The following VANGL2 variants were observed in gnomAD, a reference collection of about 807,000 sequenced individuals.
VANGL2 encodes VANGL planar cell polarity protein 2.
In VANGL2, 14 loss-of-function variants were observed where a neutral mutation model predicts 50.2. The ratio of observed to expected loss-of-function variants is 0.28; its 90% confidence interval spans 0.18 to 0.44. The LOEUF is 0.44. Ranked by LOEUF, VANGL2 falls within the 20% of genes least tolerant of loss-of-function variation. The pLI is 1.00. For synonymous variants in VANGL2, 295 were observed against 297.2 expected (o/e 0.99, Z 0.08); for missense variants, 533 against 701.5 (o/e 0.76, Z 2.71).
chr1:160,419,140 G>A lies in VANGL2; in HGVS notation c.331G>A (p.Ala111Thr). Residue 111 changes from alanine to threonine, a missense_variant, in exon 4 of 8, where the codon GCG (alanine) becomes ACG (threonine). Ala to Thr is a moderately conservative substitution (Grantham distance 58, BLOSUM62 0). Coordinates refer to ENST00000368061, the MANE Select transcript of VANGL2 (RefSeq NM_020335.3). The surrounding 1 kb of genome is among the most constrained non-coding windows in gnomAD (Gnocchi z 5.8). The part of the protein sequence containing the change: ...LDCSRHLGVA[A>T]GATLALLSFL... ...CTGCTCCCGTCACCTGGGTGTGGCA[G>A]CGGGGGCCACCCTGGCACTGCTGTC... The A allele has an allele frequency of 6.2e-7, 1 of 1,614,174 alleles. No homozygotes were observed. Among genetic ancestry groups the A allele is most frequent in the Non-Finnish European group, 8.5e-7 (1 of 1,180,032 alleles).
chr1:160,424,401 C>A, intron 7 of VANGL2, 118 bp downstream of exon 7: 1 of 996,480 alleles, frequency 1.0e-6, no homozygotes, highest in Non-Finnish European at 1.6e-6. Flanking sequence ...TCTCTCTCCT[C>A]ACCACCTCCT....
intron 3 of VANGL2, 139 bp downstream of exon 3, chr1:160,416,321 A>G (rs1367876197): frequency 6.9e-7 from 1 of 1,450,848 alleles, no homozygotes; most frequent in Non-Finnish European, 9.5e-7. Context: ...TTTGTGTTAC[A>G]CTTAGCTTGG....
chr1:160,423,812 T>C (rs1337840221), intron 6 of VANGL2, among the ~76,000 whole-genome samples: 1 of 152,278 alleles, frequency 6.6e-6, no homozygotes, highest in Admixed American at 6.5e-5. Context: ...AGTTCCTAGT[T>C]GTCTCTCTGG....
Position 160,420,401 on chromosome 1 carries a change from T to TC in VANGL2, c.801-5dup, listed in dbSNP as rs1312009402. 3 of 1,613,310 alleles carry TC rather than the reference T, an allele frequency of 1.9e-6. No homozygotes were observed. The highest frequency in any genetic ancestry group is 1.1e-5 in the South Asian group (1 of 91,028). On this transcript the variant is annotated splice_polypyrimidine_tract_variant and intron_variant, in intron 4 of 7. Transcript: ENST00000368061. ...CCTTCTCCCACCCCCTCCTGCCGTC[T>TC]CCCCCACAGCATCCAGCGCGTGGCA...
At chr1:160,422,150 G>A (rs1239908873) in intron 6 of VANGL2, among the ~76,000 whole-genome samples, 1 of 152,184 alleles carries the variant, frequency 6.6e-6, no homozygotes, top group Non-Finnish European at 1.5e-5. Context: ...AAGGGCAAGA[G>A]GTAGCCCTTA....
chr1:160,417,594 C>T (rs977419711), intron 3 of VANGL2, among the ~76,000 whole-genome samples: 5 of 152,260 alleles, frequency 3.3e-5, no homozygotes, highest in Non-Finnish European at 7.3e-5. Context: ...TTCACGCCTT[C>T]ACCCCTTTAC....
chr1:160,411,305 G>A (rs1163832266), intron 1 of VANGL2, among the ~76,000 whole-genome samples: 3 of 151,838 alleles, frequency 2.0e-5, no homozygotes, highest in Non-Finnish European at 2.9e-5. Context: ...GACTAGGGCA[G>A]CTCCCTGTCC....
intron 1 of VANGL2, among the ~76,000 whole-genome samples, chr1:160,402,502 G>T (rs1345581575): frequency 6.6e-6 from 1 of 152,124 alleles, no homozygotes; most frequent in African/African-American, 2.4e-5. Context: ...GAACAGCTTG[G>T]GTTCCCTGCC....
chr1:160,404,122 G>A (rs945641914), intron 1 of VANGL2, among the ~76,000 whole-genome samples: 11 of 152,166 alleles, frequency 7.2e-5, no homozygotes, highest in South Asian at 2.1e-4. Context: ...GGTCGGAGTC[G>A]GGATAGGAGA....
chr1:160,419,022 G>A lies in VANGL2; in HGVS notation c.213G>A (p.Thr71=), dbSNP rs866030817. ...TGTAGGATGACAACTGGGGGGAAAC[G>A]ACGACAGTAGTAACGGGCACCTCAG... ...GDERDDNWGE[T]TTVVTGTSEH... The change falls in exon 4 of 8, where the codon ACG becomes ACA. Residue 71 remains threonine, a synonymous_variant. Coordinates refer to ENST00000368061, the MANE Select transcript of VANGL2 (RefSeq NM_020335.3). This position sits in a 1 kb window ranked among gnomAD's most constrained non-coding sequence, Gnocchi z 5.8. The A allele has an allele frequency of 5.6e-6, 9 of 1,607,356 alleles. No individual in the cohort carries two copies. The highest frequency in any genetic ancestry group is 2.2e-5 in the East Asian group (1 of 44,664).
chr1:160,415,480 G>T (rs889829409), intron 1 of VANGL2, among the ~76,000 whole-genome samples, 168 bp from the exon 2 acceptor site: 1 of 152,174 alleles, frequency 6.6e-6, no homozygotes, highest in Non-Finnish European at 1.5e-5. Context: ...CTAGAGAAGG[G>T]TAGGAGGAAC....
chr1:160,408,616 C>A (rs1347068279), intron 1 of VANGL2, among the ~76,000 whole-genome samples: 1 of 152,110 alleles, frequency 6.6e-6, no homozygotes, highest in East Asian at 1.9e-4. Context: ...CCTGCCCCCA[C>A]CCTGGGGCTA....
In VANGL2 at chr1:160,400,620, C is replaced by T. The variant is rs2101938435; in HGVS notation, c.-440C>T. The T allele has an allele frequency of 6.6e-6, 1 of 151,864 alleles. No individual in the cohort carries two copies. The highest frequency in any genetic ancestry group is 2.4e-5 in the African/African-American group (1 of 41,448). The allele number at this position is 151,864 out of a possible 1,614,324, so 9.4% of individuals were successfully genotyped here. ...TCCTTGATTCCTTGATCCTTGGTCC[C>T]GCCATGGGAGCCTGAGCGCCCCCTA... On this transcript the variant is annotated 5_prime_UTR_variant, in exon 1 of 8. Coordinates refer to ENST00000368061, the MANE Select transcript of VANGL2 (RefSeq NM_020335.3).
chr1:160,427,776 T>G lies in VANGL2; in HGVS notation c.*2398T>G, dbSNP rs943361366. The stretch of plus-strand genomic sequence containing the variant: ...GCTGGATCTGCTCATTCTCCTGCTG[T>G]GGGGGTATGCCCACCTCTTACCCCC... On this transcript the variant is annotated 3_prime_UTR_variant, in exon 8 of 8. Coordinates refer to ENST00000368061, the MANE Select transcript of VANGL2 (RefSeq NM_020335.3). The G allele has an allele frequency of 3.3e-5, 5 of 152,628 alleles. No homozygotes were observed. Among genetic ancestry groups the G allele is most frequent in the African/African-American group, 7.3e-5 (3 of 41,370 alleles). The allele number at this position is 152,628 out of a possible 1,614,324, so 9.5% of individuals were successfully genotyped here.
At chr1:160,421,247 A>G (rs893913286) in intron 6 of VANGL2, 60 bp downstream of exon 6, 1 of 1,599,696 alleles carries the variant, frequency 6.3e-7, no homozygotes, top group Non-Finnish European at 8.5e-7. Context: ...GGAGAGGAAG[A>G]CCAAGGAACT....
At chr1:160,403,854 G>C (rs972181874) in intron 1 of VANGL2, among the ~76,000 whole-genome samples, 1 of 152,156 alleles carries the variant, frequency 6.6e-6, no homozygotes, top group African/African-American at 2.4e-5. Flanking sequence ...AGGAATCCCT[G>C]GTCCCCCACC....
chr1:160,408,271 G>A (rs758440413), intron 1 of VANGL2, among the ~76,000 whole-genome samples: 1 of 152,040 alleles, frequency 6.6e-6, no homozygotes, highest in East Asian at 1.9e-4. Flanking sequence ...GGTTTCAGAG[G>A]GGGAACAGAG....
chr1:160,411,059 C>T (rs1241153873), intron 1 of VANGL2, among the ~76,000 whole-genome samples: 1 of 151,740 alleles, frequency 6.6e-6, no homozygotes, highest in African/African-American at 2.4e-5. Context: ...TGGGATGATA[C>T]TGAGACACAT....
rs746570868 is a variant in VANGL2 at position 160,421,101 on chromosome 1, G to A, written c.987G>A (p.Ala329=). 28 of 1,614,050 alleles carry A rather than the reference G, an allele frequency of 1.7e-5. No homozygotes were observed. In the South Asian group the frequency reaches 2.4e-4, roughly 14 times the overall value. Reference sequence around the variant, plus strand: ...GCCAGTCTCGGGCTGTGATTGCAGCGGCAGCTCGGAGGCGGGACAACAGTC... The same window carrying A: ...GCCAGTCTCGGGCTGTGATTGCAGCAGCAGCTCGGAGGCGGGACAACAGTC... ...STGQSRAVIA[A]AARRRDNSHN... The change falls in exon 6 of 8, where the codon GCG becomes GCA. Residue 329 remains alanine (A), a synonymous_variant. Coordinates refer to ENST00000368061, the MANE Select transcript of VANGL2 (RefSeq NM_020335.3).
Sources: gnomAD v4.1 joint callset for allele counts (sites outside exome capture counted in the v4.1 genomes callset) on GRCh38, gnomAD v4.1.1 for gene constraint, Gnocchi (gnomAD v3.1) non-coding constraint, MANE v1.5 for transcripts, NCBI Gene and HGNC (gene_info 2026-07-23, HGNC 2026-07-21) for gene names.